Variants in FSTL5 observed in about 807,000 individuals in gnomAD.
FSTL5 encodes the protein follistatin-related protein 5.
A neutral mutation model predicts 89.1 loss-of-function variants in FSTL5; 62 were observed. The ratio of observed to expected loss-of-function variants is 0.70; its 90% CI spans 0.57 to 0.86. The LOEUF is 0.86. Among genes scored for constraint, FSTL5 ranks in the 40% least tolerant of loss-of-function variants. FSTL5 has a pLI of 0.00. For missense variants in FSTL5, 1,057 were observed against 1,001.6 expected (o/e 1.06, Z -0.75); for synonymous variants, 383 against 346.2 (o/e 1.11, Z -1.18).
intron 15 of FSTL5, among the ~76,000 whole-genome samples, chr4:161,403,564 C>A (rs1183336358): frequency 6.6e-6 from 1 of 151,992 alleles, no homozygotes; most frequent in African/African-American, 2.4e-5. Flanking sequence ...ACCTTTTGTT[C>A]TTTTATAAGA....
intron 6 of FSTL5, among the ~76,000 whole-genome samples, chr4:161,674,042 T>C (rs1737215548): frequency 1.3e-5 from 2 of 152,016 alleles, no homozygotes; most frequent in African/African-American, 4.8e-5. Context: ...CTATTCAGCA[T>C]ACCATTAAAG....
intron 8 of FSTL5, among the ~76,000 whole-genome samples, chr4:161,551,641 T>G (rs568293397): frequency 1.3e-5 from 2 of 152,046 alleles, no homozygotes; most frequent in South Asian, 4.1e-4. Context: ...AACAGAGATA[T>G]AGATCCATGG....
At chr4:161,881,129 T>C (rs1206138553) in intron 4 of FSTL5, among the ~76,000 whole-genome samples, 1 of 150,834 alleles carries the variant, frequency 6.6e-6, no homozygotes, top group Non-Finnish European at 1.5e-5. Context: ...AAATTTGATT[T>C]GTGAAAGCAA....
At chr4:161,769,618 C>T (rs1014547716) in intron 5 of FSTL5, among the ~76,000 whole-genome samples, 5 of 151,864 alleles carry the variant, frequency 3.3e-5, no homozygotes, top group African/African-American at 1.2e-4. Context: ...GCTGAAAAAG[C>T]ATTTGATAAT....
chr4:161,836,834 T>C (rs1231232798), intron 4 of FSTL5, among the ~76,000 whole-genome samples: 1 of 152,112 alleles, frequency 6.6e-6, no homozygotes, highest in East Asian at 1.9e-4. Flanking sequence ...GGGCAGAAAA[T>C]AATTTTTTTC....
chr4:161,822,701 GC>G (rs970562968), intron 4 of FSTL5, among the ~76,000 whole-genome samples: 1 of 152,166 alleles, frequency 6.6e-6, no homozygotes, highest in Non-Finnish European at 1.5e-5. Context: ...AGTATGGTGA[GC>G]GGGGGGGCAT....
intron 5 of FSTL5, among the ~76,000 whole-genome samples, chr4:161,768,044 AT>A (rs913393286): frequency 2.6e-5 from 4 of 152,024 alleles, no homozygotes; most frequent in African/African-American, 9.7e-5. Context: ...GTACGTCTGT[AT>A]TTTTTTGGAG....
chr4:161,899,978 T>C (rs929147683), intron 4 of FSTL5, among the ~76,000 whole-genome samples: 1 of 152,140 alleles, frequency 6.6e-6, no homozygotes, highest in African/African-American at 2.4e-5. Context: ...ATGGATCACC[T>C]GAGGTCAGGG....
chr4:161,489,927 T>C (rs57120958), intron 12 of FSTL5, among the ~76,000 whole-genome samples: 1 of 151,382 alleles, frequency 6.6e-6, no homozygotes, highest in East Asian at 1.9e-4. Flanking sequence ...ATTTTTTTTG[T>C]ACTTCAGTCC....
intron 2 of FSTL5, among the ~76,000 whole-genome samples, chr4:162,063,380 G>A (rs1738783905): frequency 6.6e-6 from 1 of 151,652 alleles, no homozygotes; most frequent in Non-Finnish European, 1.5e-5. Context: ...ACAAAACAGT[G>A]ATTCGATTTT....
chr4:161,805,909 A>T (rs540758520), intron 4 of FSTL5, among the ~76,000 whole-genome samples: 1 of 152,082 alleles, frequency 6.6e-6, no homozygotes, highest in African/African-American at 2.4e-5. Context: ...AGATATTCTG[A>T]GAGAGAGTGA....
chr4:161,789,173 CTTTT>C (rs202200393), intron 4 of FSTL5, among the ~76,000 whole-genome samples: 6 of 151,700 alleles, frequency 4.0e-5, no homozygotes, highest in Non-Finnish European at 8.8e-5. Context: ...TCTTAAATTA[CTTTT>C]TTTTCCTCTT....
chr4:161,602,365 T>C (rs1389046529), intron 7 of FSTL5, among the ~76,000 whole-genome samples: 3 of 151,694 alleles, frequency 2.0e-5, no homozygotes, highest in African/African-American at 7.3e-5. Flanking sequence ...TCAGTGAATC[T>C]GAATATAGGT....
intron 2 of FSTL5, among the ~76,000 whole-genome samples, chr4:162,059,068 A>T (rs1046784702): frequency 2.0e-5 from 3 of 152,218 alleles, no homozygotes; most frequent in Admixed American, 1.3e-4. Context: ...GAAATCCCAC[A>T]ACATTTAAAA....
intron 13 of FSTL5, among the ~76,000 whole-genome samples, chr4:161,460,518 G>C (rs1733525188): frequency 6.6e-6 from 1 of 151,750 alleles, no homozygotes; most frequent in Non-Finnish European, 1.5e-5. Context: ...AATTTTCTAA[G>C]TACTTATCCA....
chr4:161,947,763 G>T (rs1734776173), intron 3 of FSTL5, among the ~76,000 whole-genome samples: 1 of 152,018 alleles, frequency 6.6e-6, no homozygotes, highest in African/African-American at 2.4e-5. Context: ...ACCAAAAAAA[G>T]TCTTCTAGAA....
rs1471339034 is a variant in FSTL5, at chr4:161,479,523, C to G, written c.1608+1497G>C. ...CCACCAGCAAGGAGTTTTGATAATC[C>G]CAAAATGAATGCTTGTCATTTGTGT... On this transcript the variant is annotated intron_variant, in intron 13 of 15. Coordinates refer to ENST00000306100, the MANE Select transcript of FSTL5 (RefSeq NM_020116.5). Among the ~76,000 whole-genome samples the G allele has an allele frequency of 2.0e-5, 3 of 152,022 alleles. No homozygotes were observed. The East Asian group carries it at 5.8e-4, about 29-fold the overall frequency.
chr4:162,033,692 T>G (rs1737624239), intron 2 of FSTL5, 34 bp from the exon 3 acceptor site: 1 of 1,207,358 alleles, frequency 8.3e-7, no homozygotes, highest in African/African-American at 1.5e-5. Context: ...TCAAAATATG[T>G]AAGTAAATAT....
intron 4 of FSTL5, among the ~76,000 whole-genome samples, chr4:161,906,734 A>G (rs773830178): frequency 1.1e-4 from 17 of 152,182 alleles, no homozygotes; most frequent in Non-Finnish European, 2.2e-4. Context: ...TATTGCTTAT[A>G]CGATAATGTC....
Sources: gnomAD v4.1 joint callset for allele counts (sites outside exome capture counted in the v4.1 genomes callset) on GRCh38, gnomAD v4.1.1 for gene constraint, MANE v1.5 for transcripts, NCBI Gene and HGNC (gene_info 2026-07-23, HGNC 2026-07-21) for gene names.